Variants in PPARGC1A observed in about 807,000 individuals in gnomAD.
PPARGC1A encodes PPARG coactivator 1 alpha.
Under a neutral mutation model 88.7 loss-of-function variants are expected in PPARGC1A, and 25 were observed. The observed-to-expected ratio is 0.28, with a 90% CI of 0.21 to 0.39. The LOEUF is 0.39. Among genes scored for constraint, PPARGC1A ranks in the 10% least tolerant of loss-of-function variants. The pLI is 1.00. For synonymous variants in PPARGC1A, 363 were observed against 355.6 expected, an observed-to-expected ratio of 1.02 and a Z score of -0.24; for missense variants, 880 against 968.7, an observed-to-expected ratio of 0.91 and a Z score of 1.22.
chr4:24,101,874 CG>C, the PPARGC1A span, among the ~76,000 whole-genome samples: 2 of 152,098 alleles, frequency 1.3e-5, no homozygotes, highest in African/African-American at 4.8e-5. Context: ...TAGGTACTAA[CG>C]ATTGAGAGAT....
the PPARGC1A span, among the ~76,000 whole-genome samples, chr4:24,275,950 C>A: frequency 6.6e-6 from 1 of 151,974 alleles, no homozygotes; most frequent in African/African-American, 2.4e-5. Flanking sequence ...AGGAGGGAAG[C>A]GAGAAAGAAT....
the PPARGC1A span, among the ~76,000 whole-genome samples, chr4:24,127,847 A>T: frequency 4.6e-5 from 7 of 152,180 alleles, no homozygotes; most frequent in African/African-American, 1.7e-4. Context: ...TAGAAAAAAA[A>T]TAGTAAGGAA....
chr4:24,352,893 C>T, the PPARGC1A span, among the ~76,000 whole-genome samples: 50,925 of 152,052 alleles, frequency 0.33, 9,593 homozygotes, highest in East Asian at 0.48. Context: ...TGCTTTAAAA[C>T]CACCTATTAA....
the PPARGC1A span, among the ~76,000 whole-genome samples, chr4:24,218,401 C>T: frequency 2.0e-5 from 3 of 152,182 alleles, 1 homozygote; most frequent in East Asian, 5.8e-4. Flanking sequence ...CAAAACCATC[C>T]ACACAAGTTT....
the PPARGC1A span, among the ~76,000 whole-genome samples, chr4:24,445,363 G>T: frequency 6.6e-6 from 1 of 152,178 alleles, no homozygotes; most frequent in East Asian, 1.9e-4. Flanking sequence ...CCATGTGTCC[G>T]TAAGGCTGTG....
the PPARGC1A span, among the ~76,000 whole-genome samples, chr4:24,283,231 GT>G: frequency 1.3e-5 from 2 of 152,264 alleles, no homozygotes; most frequent in Non-Finnish European, 1.5e-5. Context: ...TTCACTGTCA[GT>G]TACTTTTCCA....
chr4:24,406,160 C>G, the PPARGC1A span, among the ~76,000 whole-genome samples: 1 of 152,186 alleles, frequency 6.6e-6, no homozygotes, highest in African/African-American at 2.4e-5. Context: ...TCATCATGTT[C>G]TTAATGAGGC....
the PPARGC1A span, among the ~76,000 whole-genome samples, chr4:24,262,153 A>G: frequency 6.6e-6 from 1 of 152,008 alleles, no homozygotes; most frequent in Admixed American, 6.6e-5. Context: ...TCCCACCCCT[A>G]GTAGCAGCAG....
At chr4:24,361,539 T>C in the PPARGC1A span, among the ~76,000 whole-genome samples, 1 of 152,214 alleles carries the variant, frequency 6.6e-6, no homozygotes, top group South Asian at 2.1e-4. Flanking sequence ...CCACATTGCT[T>C]TATATATCCT....
chr4:24,288,559 A>G, the PPARGC1A span, among the ~76,000 whole-genome samples: 7 of 152,344 alleles, frequency 4.6e-5, no homozygotes, highest in South Asian at 1.2e-3. Flanking sequence ...ACCTTGGAGG[A>G]AAATGACATT....
the PPARGC1A span, among the ~76,000 whole-genome samples, chr4:24,143,831 A>G: frequency 1.3e-5 from 2 of 152,240 alleles, no homozygotes; most frequent in African/African-American, 4.8e-5. Flanking sequence ...CCAGGATCTC[A>G]GAACCGCCAC....
At chr4:24,089,688 A>G in the PPARGC1A span, among the ~76,000 whole-genome samples, 1 of 151,108 alleles carries the variant, frequency 6.6e-6, no homozygotes, top group Non-Finnish European at 1.5e-5. Flanking sequence ...TTTTTTTTGT[A>G]TTTTTGGTAG....
the PPARGC1A span, among the ~76,000 whole-genome samples, chr4:23,913,263 T>TAGAGAGAG: frequency 1.2e-4 from 7 of 56,054 alleles, no homozygotes; most frequent in Non-Finnish European, 1.6e-4. Flanking sequence ...TATATATATA[T>TAGAGAGAG]ATATAGAGAG....
chr4:24,320,354 C>T, the PPARGC1A span, among the ~76,000 whole-genome samples: 2 of 152,160 alleles, frequency 1.3e-5, no homozygotes, highest in Non-Finnish European at 2.9e-5. Flanking sequence ...AAACACCACA[C>T]CATTAATTAT....
chr4:24,472,754 T>A, the PPARGC1A span, among the ~76,000 whole-genome samples: 1 of 151,810 alleles, frequency 6.6e-6, no homozygotes, highest in African/African-American at 2.4e-5. The surrounding 1 kb of genome is among the most constrained non-coding windows in gnomAD (Gnocchi z 4.5). Context: ...CGCCGCCGCC[T>A]GTGCCGGCTG....
the PPARGC1A span, among the ~76,000 whole-genome samples, chr4:24,415,109 G>A: frequency 8.6e-5 from 13 of 151,898 alleles, no homozygotes; most frequent in Admixed American, 7.9e-4. Flanking sequence ...AGAATCACTT[G>A]AACTCCAGAG....
At chr4:24,075,923 G>A in the PPARGC1A span, among the ~76,000 whole-genome samples, 156 of 152,260 alleles carry the variant, frequency 1.0e-3, no homozygotes, top group African/African-American at 3.2e-3. Flanking sequence ...CCATGCCAGA[G>A]CTTGGAGACA....
At chr4:24,314,914 C>T in the PPARGC1A span, among the ~76,000 whole-genome samples, 1 of 151,810 alleles carries the variant, frequency 6.6e-6, no homozygotes, top group African/African-American at 2.4e-5. Context: ...CAGCTTTCCA[C>T]TACCTAAAAA....
the PPARGC1A span, among the ~76,000 whole-genome samples, chr4:24,385,306 G>A: frequency 2.0e-5 from 3 of 152,006 alleles, no homozygotes; most frequent in African/African-American, 2.4e-5. Context: ...ATCTAAAATC[G>A]ACACCCTAAT....
Sources: gnomAD v4.1 joint callset for allele counts (sites outside exome capture counted in the v4.1 genomes callset) on GRCh38, gnomAD v4.1.1 for gene constraint, Gnocchi (gnomAD v3.1) non-coding constraint, MANE v1.5 for transcripts, NCBI Gene and HGNC (gene_info 2026-07-23, HGNC 2026-07-21) for gene names.